The following PKD1L1 variants were observed in gnomAD, a reference collection of about 807,000 sequenced individuals.
The protein encoded by PKD1L1 is polycystin-1-like protein 1.
A neutral mutation model predicts 323.4 loss-of-function variants in PKD1L1; 236 were observed. The observed-to-expected ratio is 0.73, with a 90% CI of 0.66 to 0.81. The LOEUF is 0.81. Ranked by LOEUF, PKD1L1 falls within the 40% of genes least tolerant of loss-of-function variation. The pLI, the probability that PKD1L1 is intolerant of heterozygous loss-of-function variation, is 0.00. For synonymous variants in PKD1L1, 1,344 were observed against 1,335.0 expected (o/e 1.01, Z -0.15); for missense variants, 3,320 against 3,508.0 (o/e 0.95, Z 1.35).
chr7:47,938,693 T>C (rs1787918764), intron 3 of PKD1L1, among the ~76,000 whole-genome samples: 1 of 152,120 alleles, frequency 6.6e-6, no homozygotes, highest in African/African-American at 2.4e-5. Context: ...GCCCCCTGAT[T>C]GCACATTTCA....
chr7:47,957,953 C>T, the PKD1L1 span, among the ~76,000 whole-genome samples: 1 of 150,346 alleles, frequency 6.7e-6, no homozygotes, highest in Admixed American at 6.6e-5. Flanking sequence ...AAACTGAAGA[C>T]ACAAATAAAT....
rs1453094480 is a variant in PKD1L1 at position 47,815,383 on chromosome 7, T to C, written c.7040A>G (p.Asp2347Gly). The change falls in exon 47 of 57, where the codon GAT becomes GGT. Residue 2347 changes from aspartate to glycine, a missense_variant. Coordinates refer to ENST00000289672, the MANE Select transcript of PKD1L1 (RefSeq NM_138295.5). ...WWDWSLTTLL[D>G]GLYPGGTPSA... ...CGGGGTGCCTCCCGGGTACAGGCCA[T>C]CCAGAAGTGTGGTCAGACTCCAGTC... The C allele has an allele frequency of 6.2e-7, 1 of 1,614,108 alleles. No homozygotes were observed. The highest frequency in any genetic ancestry group is 8.5e-7 in the Non-Finnish European group (1 of 1,180,004).
intron 7 of PKD1L1, among the ~76,000 whole-genome samples, chr7:47,917,080 TA>T (rs2128752987): frequency 6.6e-6 from 1 of 152,092 alleles, no homozygotes; most frequent in East Asian, 1.9e-4. Flanking sequence ...CAAAAAATGA[TA>T]CAAGAAGTGA....
chr7:47,861,885 A>T (rs1786035653), intron 26 of PKD1L1, among the ~76,000 whole-genome samples: 1 of 147,198 alleles, frequency 6.8e-6, no homozygotes, highest in African/African-American at 2.5e-5. Context: ...TGTCTCAAAA[A>T]AAAAAAAAAA....
intron 26 of PKD1L1, among the ~76,000 whole-genome samples, chr7:47,862,174 G>A (rs886354019): frequency 2.6e-5 from 4 of 151,972 alleles, no homozygotes; most frequent in African/African-American, 7.3e-5. Context: ...CAGCTTGGGC[G>A]ACAGAGTGAG....
rs1355178987 is a variant in PKD1L1, at chr7:47,905,452, A to G, written c.1523-127T>C. ...TGATGGTGAGGAAGCTCTGATATGCATGCAGATTGGCAGCAAGGATGCAGC... is the reference window on the plus strand; with the variant it reads ...TGATGGTGAGGAAGCTCTGATATGCGTGCAGATTGGCAGCAAGGATGCAGC... On this transcript the variant is annotated intron_variant, in intron 10 of 56. Coordinates refer to ENST00000289672, the MANE Select transcript of PKD1L1 (RefSeq NM_138295.5). The G allele has an allele frequency of 5.6e-6, 6 of 1,078,966 alleles. No individual in the cohort carries two copies. In the African/African-American group the frequency reaches 9.5e-5, roughly 17 times the overall value. 66.8% of individuals were successfully genotyped at this position (1,078,966 alleles called of 1,614,324 possible).
chr7:47,916,102 A>G (rs1049173532), intron 7 of PKD1L1, among the ~76,000 whole-genome samples: 13 of 152,250 alleles, frequency 8.5e-5, no homozygotes, highest in Non-Finnish European at 4.4e-5. Flanking sequence ...CACAGCACTG[A>G]TATCAAAGAC....
intron 13 of PKD1L1, among the ~76,000 whole-genome samples, chr7:47,900,601 G>A (rs764174186): frequency 7.9e-5 from 12 of 152,060 alleles, no homozygotes; most frequent in East Asian, 1.9e-4. Flanking sequence ...GGTGGTGAGC[G>A]CCTGTAATCC....
chr7:47,940,309 C>T lies in PKD1L1; in HGVS notation c.169G>A (p.Ala57Thr). 6.2e-7 allele frequency: 1 copy of T among 1,612,672 alleles called. No individual in the cohort carries two copies. The highest frequency in any genetic ancestry group is 8.5e-7 in the Non-Finnish European group (1 of 1,179,350). Residue 57 changes from alanine to threonine, a missense_variant, in exon 3 of 57, where the codon GCT becomes ACT. Coordinates refer to ENST00000289672, the MANE Select transcript of PKD1L1 (RefSeq NM_138295.5). ...PGGGLWVEVY[A>T]NHVLLMSDGK... The stretch of plus-strand genomic sequence containing the variant: ...TCACTCATAAGAAGCACATGATTAG[C>T]ATAGACCTCTAGAGAAAAAAAAAAA...
rs764824706 is a variant in PKD1L1 at position 47,929,460 on chromosome 7, C to A, written c.804G>T (p.Glu268Asp). Residue 268 changes from glutamate (E) to aspartate (D), a missense_variant, in exon 7 of 57, where the codon GAG (glutamate) becomes GAT (aspartate). Physicochemically the swap from Glu to Asp is conservative, Grantham distance 45 (BLOSUM62 2). Coordinates refer to ENST00000289672, the MANE Select transcript of PKD1L1 (RefSeq NM_138295.5). ...GATGCTGAGTAGGGGGATAGAGGATCTCAGAACCAGACTGCGATGCCGTGA... is the reference window on the plus strand; with the variant it reads ...GATGCTGAGTAGGGGGATAGAGGATATCAGAACCAGACTGCGATGCCGTGA... ...PSFTASQSGSEILYPPTQHPP... is the reference protein window; with the variant it reads ...PSFTASQSGSDILYPPTQHPP... 2 of 1,614,122 alleles carry A rather than the reference C, an allele frequency of 1.2e-6. No homozygotes were observed. The highest frequency in any genetic ancestry group is 2.2e-5 in the South Asian group (2 of 91,082).
intron 56 of PKD1L1, among the ~76,000 whole-genome samples, chr7:47,775,738 A>G (rs73101477): frequency 0.017 from 2,642 of 152,094 alleles, 69 homozygotes; most frequent in Non-Finnish European, 0.019. Context: ...AAAACAACTT[A>G]AACTCAAAGT....
chr7:47,788,650 C>T (rs1244908919), intron 56 of PKD1L1, among the ~76,000 whole-genome samples: 1 of 149,026 alleles, frequency 6.7e-6, no homozygotes, highest in Non-Finnish European at 1.5e-5. Context: ...GGCTGGAGTG[C>T]AGTGGTGCAA....
At position 47,908,158 on chromosome 7, in the gene PKD1L1, C is replaced by T; in HGVS notation, c.1321G>A (p.Ala441Thr). The change falls in exon 9 of 57, where the codon GCC (alanine) becomes ACC (threonine). Residue 441 changes from alanine to threonine, a missense_variant. Coordinates refer to ENST00000289672, the MANE Select transcript of PKD1L1 (RefSeq NM_138295.5). ...CTGGAGTTCATGAACGCAGACACGG[C>T]CTCATGGCCAATCTCCACATAATAA... Reference protein sequence around the residue: ...GPYYVEIGHEAVSAFMNSSSV... With the variant: ...GPYYVEIGHETVSAFMNSSSV... 6.2e-7 allele frequency: 1 copy of T among 1,614,216 alleles called. No individual in the cohort carries two copies. Among genetic ancestry groups the T allele is most frequent in the Non-Finnish European group, 8.5e-7 (1 of 1,180,038 alleles).
intron 8 of PKD1L1, among the ~76,000 whole-genome samples, 177 bp from the exon 9 acceptor site, chr7:47,908,427 C>T (rs1373575196): frequency 1.3e-5 from 2 of 152,216 alleles, no homozygotes; most frequent in Non-Finnish European, 2.9e-5. Context: ...CATACAGTTG[C>T]ACAGAGCCCC....
chr7:47,788,129 TA>T (rs376520194), intron 56 of PKD1L1, among the ~76,000 whole-genome samples: 43 of 151,250 alleles, frequency 2.8e-4, no homozygotes, highest in East Asian at 2.2e-3. Flanking sequence ...CTATTTTTTT[TA>T]AAAATATCGA....
At position 47,929,089 on chromosome 7, in the gene PKD1L1, G is replaced by A. The variant is rs1787709888; in HGVS notation, c.1060+115C>T. 6.4e-6 allele frequency: 7 copies of A among 1,097,400 alleles called. No homozygotes were observed. In the Admixed American group the frequency reaches 1.8e-4, roughly 28 times the overall value. The allele number at this position is 1,097,400 out of a possible 1,614,324, so 68.0% of individuals were successfully genotyped here. On this transcript the variant is annotated intron_variant, in intron 7 of 56. Coordinates refer to ENST00000289672, the MANE Select transcript of PKD1L1 (RefSeq NM_138295.5). ...TACTATTCTTGGAGCCAGGAAGGTTGGCTGAGTCCAGAGAAACGGAATGCA... is the reference window on the plus strand; with the variant it reads ...TACTATTCTTGGAGCCAGGAAGGTTAGCTGAGTCCAGAGAAACGGAATGCA...
At chr7:47,785,995 G>C (rs1786798702) in intron 56 of PKD1L1, among the ~76,000 whole-genome samples, 1 of 152,044 alleles carries the variant, frequency 6.6e-6, no homozygotes, top group Non-Finnish European at 1.5e-5. Context: ...ACCTGCCTCG[G>C]CCTCCCAAAG....
At chr7:47,816,575 T>G (rs568815573) in intron 46 of PKD1L1, among the ~76,000 whole-genome samples, 2 of 152,282 alleles carry the variant, frequency 1.3e-5, no homozygotes, top group South Asian at 4.1e-4. Context: ...AAGGATGGGG[T>G]GCTCATCAAC....
chr7:47,870,135 G>C (rs1324435953), intron 24 of PKD1L1, among the ~76,000 whole-genome samples: 2 of 151,696 alleles, frequency 1.3e-5, no homozygotes, highest in Non-Finnish European at 2.9e-5. Context: ...CTATAAAGAA[G>C]ATGACGAATC....
Sources: allele counts gnomAD v4.1 joint callset (sites outside exome capture counted in the v4.1 genomes callset), GRCh38; gene constraint gnomAD v4.1.1; transcripts MANE v1.5; gene names NCBI Gene and HGNC (gene_info 2026-07-23, HGNC 2026-07-21).